The following PC variants were observed in gnomAD, a reference collection of about 807,000 sequenced individuals.
PC encodes the protein pyruvate carboxylase, mitochondrial.
In PC, 46 loss-of-function variants were observed where a neutral mutation model predicts 107.8. The ratio of observed to expected loss-of-function variants is 0.43; its 90% CI spans 0.34 to 0.55. The LOEUF (loss-of-function observed/expected upper bound fraction) is 0.55, where lower values mean the gene tolerates loss of function less well. Among genes scored for constraint, PC ranks in the 20% least tolerant of loss-of-function variants. The probability of loss-of-function intolerance (pLI) is 0.04; values close to 1 mark genes in which losing one functional copy is unlikely to be tolerated. For synonymous variants in PC, 662 were observed against 684.7 expected (o/e 0.97, Z 0.52); for missense variants, 1,241 against 1,643.1 (o/e 0.76, Z 4.23).
intron 3 of PC, among the ~76,000 whole-genome samples, chr11:66,892,538 T>C (rs763789564): frequency 6.6e-6 from 1 of 152,072 alleles, no homozygotes. Flanking sequence ...GCATCAGAGA[T>C]GAGAGATTGA....
chr11:66,863,200 C>T (rs1257943189), intron 12 of PC, among the ~76,000 whole-genome samples: 9 of 152,154 alleles, frequency 5.9e-5, no homozygotes, highest in African/African-American at 2.2e-4. Flanking sequence ...ATTAGCCGGG[C>T]GTGGTGGGGG....
intron 3 of PC, among the ~76,000 whole-genome samples, chr11:66,929,627 A>G (rs958009307): frequency 3.3e-5 from 5 of 152,152 alleles, no homozygotes; most frequent in African/African-American, 1.2e-4. Flanking sequence ...TCGGCCTCCC[A>G]AAGTGCTGGG....
intron 3 of PC, among the ~76,000 whole-genome samples, chr11:66,948,012 AAGAT>A (rs57087967): frequency 0.32 from 42,714 of 134,370 alleles, 6,875 homozygotes; most frequent in Non-Finnish European, 0.35. Flanking sequence ...ATCTCTACTA[AAGAT>A]AGATAGATAG....
At chr11:66,891,126 G>C (rs1178866708) in intron 3 of PC, among the ~76,000 whole-genome samples, 1 of 151,212 alleles carries the variant, frequency 6.6e-6, no homozygotes, top group Non-Finnish European at 1.5e-5. Flanking sequence ...GCGCGATCTC[G>C]GCTCACTGCA....
Position 66,945,420 on chromosome 11 carries a change from G to C in PC, c.-1+7010C>G, listed in dbSNP as rs1215918826. Among the ~76,000 whole-genome samples, 10 of 97,266 alleles carry C rather than the reference G, an allele frequency of 1.0e-4. 4 individuals are homozygous for C. Among genetic ancestry groups the C allele is most frequent in the African/African-American group, 1.6e-4 (4 of 24,396 alleles). The allele number at this position is 97,266 out of a possible 152,430, so 63.8% of individuals were successfully genotyped here. On this transcript the variant is annotated intron_variant, in intron 3 of 22. Transcript: ENST00000393960. Reference sequence around the variant, plus strand: ...AGATTAACTGAATTCAAATGGTTTGGGGGGGCGGGTCGGAACTGCAGAGTT... The same window carrying C: ...AGATTAACTGAATTCAAATGGTTTGCGGGGGCGGGTCGGAACTGCAGAGTT...
At chr11:66,937,713 C>A (rs1466220429) in intron 3 of PC, among the ~76,000 whole-genome samples, 1 of 151,774 alleles carries the variant, frequency 6.6e-6, no homozygotes, top group African/African-American at 2.4e-5. Context: ...ATCTGCTGTT[C>A]AGCCTCTAGT....
intron 3 of PC, among the ~76,000 whole-genome samples, chr11:66,883,069 G>A (rs752315371): frequency 9.2e-5 from 14 of 152,196 alleles, no homozygotes; most frequent in East Asian, 1.9e-4. Flanking sequence ...CAGGAGCGCC[G>A]GCTGCTCCAA....
chr11:66,866,133 G>A lies in PC; in HGVS notation c.1185+54C>T. 3.2e-6 allele frequency: 5 copies of A among 1,575,402 alleles called. No homozygotes were observed. The highest frequency in any genetic ancestry group is 4.3e-6 in the Non-Finnish European group (5 of 1,161,000). On this transcript the variant is annotated intron_variant, in intron 11 of 22. Coordinates refer to ENST00000393960, the MANE Select transcript of PC (RefSeq NM_001040716.2). This position sits in a 1 kb window ranked among gnomAD's most constrained non-coding sequence, Gnocchi z 5.4. ...TTGGCACTGCAGCCCCAGGCACCAG[G>A]CAGAACCTGTGCACAGGTGAGCTGG...
rs566772664 is a variant in PC, at chr11:66,880,010, C to A, written c.1-7851G>T. Among the ~76,000 whole-genome samples the A allele has an allele frequency of 3.9e-5, 6 of 152,314 alleles. No homozygotes were observed. In the East Asian group the frequency reaches 1.2e-3, roughly 29 times the overall value. On this transcript the variant is annotated intron_variant, in intron 3 of 22. Coordinates refer to ENST00000393960, the MANE Select transcript of PC (RefSeq NM_001040716.2). ...CTGTGGTCACACAAGACCCCCACCACCAACCTGTCTCTCCCTGACCCGCAC... is the reference window on the plus strand; with the variant it reads ...CTGTGGTCACACAAGACCCCCACCAACAACCTGTCTCTCCCTGACCCGCAC...
chr11:66,854,746 C>A (rs932984245), intron 12 of PC, among the ~76,000 whole-genome samples: 2 of 152,218 alleles, frequency 1.3e-5, no homozygotes, highest in Non-Finnish European at 1.5e-5. Flanking sequence ...CTCTTAGGCT[C>A]CTATTACCTG....
intron 3 of PC, among the ~76,000 whole-genome samples, chr11:66,951,875 C>T (rs1475293757): frequency 6.8e-6 from 1 of 146,014 alleles, no homozygotes; most frequent in Non-Finnish European, 1.5e-5. Flanking sequence ...GGCAACAGAG[C>T]AAGACTCCGT....
intron 12 of PC, chr11:66,859,511 G>A: frequency 6.6e-7 from 1 of 1,520,648 alleles, no homozygotes; most frequent in Non-Finnish European, 8.8e-7. Context: ...TCACCTTCCT[G>A]AGTGAACCCA....
intron 3 of PC, among the ~76,000 whole-genome samples, chr11:66,906,815 A>G (rs1948181325): frequency 6.6e-6 from 1 of 152,094 alleles, no homozygotes; most frequent in South Asian, 2.1e-4. Context: ...AAAATGGGAG[A>G]TGTTCTCTCC....
intron 3 of PC, among the ~76,000 whole-genome samples, chr11:66,939,227 A>G (rs905903793): frequency 6.6e-6 from 1 of 152,254 alleles, no homozygotes; most frequent in African/African-American, 2.4e-5. Flanking sequence ...ACAATACAGT[A>G]TAAGAACTAT....
At chr11:66,933,189 C>A (rs574444886) in intron 3 of PC, among the ~76,000 whole-genome samples, 2 of 152,176 alleles carry the variant, frequency 1.3e-5, no homozygotes, top group East Asian at 3.9e-4. Context: ...GAGGCCTCAG[C>A]CCTTCAGCCC....
intron 12 of PC, among the ~76,000 whole-genome samples, chr11:66,854,846 C>T (rs1031227892): frequency 1.3e-5 from 2 of 152,234 alleles, no homozygotes; most frequent in African/African-American, 4.8e-5. Flanking sequence ...TGCCTGTCTG[C>T]CCCTGAGCCT....
chr11:66,890,841 T>C (rs1453331108), intron 3 of PC, among the ~76,000 whole-genome samples: 1 of 151,908 alleles, frequency 6.6e-6, no homozygotes, highest in Non-Finnish European at 1.5e-5. Flanking sequence ...AGAACTGTGT[T>C]GTATAGGCTG....
chr11:66,866,423 C>T lies in PC; in HGVS notation c.1023-74G>A. The T allele has an allele frequency of 1.8e-6, 2 of 1,130,184 alleles. No individual in the cohort carries two copies. Among genetic ancestry groups the T allele is most frequent in the Non-Finnish European group, 2.6e-6 (2 of 771,988 alleles). 70.0% of individuals were successfully genotyped at this position (1,130,184 alleles called of 1,614,324 possible). A position where few individuals can be genotyped will look rare whatever the true frequency, so the allele number is the denominator to read the frequency against. Reference sequence around the variant, plus strand: ...CATGAGGCGGGGGATAGACGAGGGGCACCGCAGCCAGTGGGGCGTCCACAC... The same window carrying T: ...CATGAGGCGGGGGATAGACGAGGGGTACCGCAGCCAGTGGGGCGTCCACAC... On this transcript the variant is annotated intron_variant, in intron 10 of 22. Transcript: ENST00000393960. This position sits in a 1 kb window ranked among gnomAD's most constrained non-coding sequence, Gnocchi z 5.4.
intron 3 of PC, among the ~76,000 whole-genome samples, chr11:66,880,149 C>T (rs1344764478): frequency 1.3e-5 from 2 of 152,188 alleles, no homozygotes; most frequent in African/African-American, 2.4e-5. Context: ...TTTTCCTTAT[C>T]GAATGGCACT....
Sources: gnomAD v4.1 joint callset for allele counts (sites outside exome capture counted in the v4.1 genomes callset) on GRCh38, gnomAD v4.1.1 for gene constraint, Gnocchi (gnomAD v3.1) non-coding constraint, MANE v1.5 for transcripts, NCBI Gene and HGNC (gene_info 2026-07-23, HGNC 2026-07-21) for gene names.